The following CORO2B variants were observed in gnomAD, a reference collection of about 807,000 sequenced individuals.
CORO2B encodes the protein coronin 2B, also known as coronin-2B.
Under a neutral mutation model 58.8 loss-of-function variants are expected in CORO2B, and 26 were observed. The observed-to-expected ratio is 0.44, with a 90% CI of 0.32 to 0.61. CORO2B has a LOEUF of 0.61. Among genes scored for constraint, CORO2B ranks in the 20% least tolerant of loss-of-function variants. The probability of loss-of-function intolerance (pLI) is 0.04; values close to 1 mark genes in which losing one functional copy is unlikely to be tolerated. For synonymous variants in CORO2B, 242 were observed against 253.8 expected (o/e 0.95, Z 0.44); for missense variants, 460 against 645.1 (o/e 0.71, Z 3.11).
upstream of CORO2B, among the ~76,000 whole-genome samples, chr15:68,578,462 G>A (rs1899329702): frequency 6.6e-6 from 1 of 152,218 alleles, no homozygotes. This position sits in a 1 kb window ranked among gnomAD's most constrained non-coding sequence, Gnocchi z 4.2. Flanking sequence ...ATTCGAAAGA[G>A]TGCTTACACA....
At chr15:68,668,814 C>T (rs1272795452) in intron 2 of CORO2B, among the ~76,000 whole-genome samples, 1 of 152,190 alleles carries the variant, frequency 6.6e-6, no homozygotes, top group Non-Finnish European at 1.5e-5. Flanking sequence ...CATGGTGGCT[C>T]ACGCCTGTAA....
chr15:68,562,661 A>G, the CORO2B span, among the ~76,000 whole-genome samples: 2 of 152,226 alleles, frequency 1.3e-5, no homozygotes, highest in Non-Finnish European at 2.9e-5. Context: ...AGAAATGAGA[A>G]AATTATAAAA....
In CORO2B at chr15:68,711,687, G is replaced by T; in HGVS notation, c.629G>T (p.Arg210Leu). 2.5e-6 allele frequency: 4 copies of T among 1,614,010 alleles called. No homozygotes were observed. The highest frequency in any genetic ancestry group is 3.4e-6 in the Non-Finnish European group (4 of 1,179,942). The change falls in exon 5 of 12, where the codon CGC becomes CTC. Residue 210 changes from arginine to leucine, a missense_variant. Arg to Leu is a moderately radical substitution (Grantham distance 102). Transcript: ENST00000261861. ...KDKKLRVIEPRSGRVLQEANC... is the reference protein window; with the variant it reads ...KDKKLRVIEPLSGRVLQEANC... ...AAGAAGCTGCGTGTGATTGAGCCCCGCTCTGGCCGTGTTCTGCAGGTGGAA... is the reference window on the plus strand; with the variant it reads ...AAGAAGCTGCGTGTGATTGAGCCCCTCTCTGGCCGTGTTCTGCAGGTGGAA...
At chr15:68,662,313 G>C (rs1320219630) in intron 2 of CORO2B, among the ~76,000 whole-genome samples, 2 of 152,142 alleles carry the variant, frequency 1.3e-5, no homozygotes, top group Non-Finnish European at 2.9e-5. Flanking sequence ...CTTTCTTATA[G>C]TAATCCTGCA....
intron 3 of CORO2B, among the ~76,000 whole-genome samples, chr15:68,708,434 C>T (rs1053238606): frequency 6.9e-6 from 1 of 144,840 alleles, no homozygotes; most frequent in African/African-American, 2.6e-5. Context: ...GATCTCGGCT[C>T]ACTGCAAGCT....
At chr15:68,540,132 A>T in the CORO2B span, among the ~76,000 whole-genome samples, 1 of 152,226 alleles carries the variant, frequency 6.6e-6, no homozygotes, top group South Asian at 2.1e-4. Flanking sequence ...ATTAAAATCC[A>T]TTTGTCAACC....
intron 2 of CORO2B, among the ~76,000 whole-genome samples, chr15:68,673,653 A>G (rs1238741582): frequency 6.6e-6 from 1 of 152,162 alleles, no homozygotes; most frequent in Non-Finnish European, 1.5e-5. Context: ...GCTGGCCAAC[A>G]TAGTGAAACC....
At chr15:68,616,992 C>T (rs1450774102) in intron 1 of CORO2B, among the ~76,000 whole-genome samples, 1 of 152,236 alleles carries the variant, frequency 6.6e-6, no homozygotes, top group East Asian at 1.9e-4. Flanking sequence ...CTTGCCTTGT[C>T]TCATTGAATT....
intron 2 of CORO2B, among the ~76,000 whole-genome samples, chr15:68,685,201 T>A (rs1255202373): frequency 6.6e-6 from 1 of 152,206 alleles, no homozygotes; most frequent in Admixed American, 6.5e-5. Context: ...GTATTAAATG[T>A]GCATGATAAT....
intron 2 of CORO2B, among the ~76,000 whole-genome samples, chr15:68,688,604 T>C (rs1892282446): frequency 6.6e-6 from 1 of 152,254 alleles, no homozygotes; most frequent in African/African-American, 2.4e-5. Context: ...GATTCTGTTT[T>C]ACTAAGCGTA....
At position 68,656,721 on chromosome 15, in the gene CORO2B, C is replaced by T. The variant is rs191921711; in HGVS notation, c.216+11361C>T. 2.8e-4 allele frequency among the ~76,000 whole-genome samples: 42 copies of T among 152,344 alleles called. No homozygotes were observed. The South Asian group carries it at 8.3e-3, about 30-fold the overall frequency. On this transcript the variant is annotated intron_variant, in intron 2 of 11. Transcript: ENST00000261861. ...GGGTGCAGGGTCTGCATCAGCTGGC[C>T]TGGCTTTCAACCCTGACTCTACCAT...
chr15:68,556,946 G>A, the CORO2B span, among the ~76,000 whole-genome samples: 2 of 152,170 alleles, frequency 1.3e-5, no homozygotes, highest in African/African-American at 4.8e-5. Context: ...CTTCTTTCCT[G>A]TCATAATCAG....
chr15:68,620,682 A>C (rs1018396362), intron 1 of CORO2B, among the ~76,000 whole-genome samples: 2 of 152,168 alleles, frequency 1.3e-5, no homozygotes, highest in Non-Finnish European at 2.9e-5. Context: ...TCTGAGTCTT[A>C]TCAAGCAGCT....
chr15:68,711,018 T>C (rs1202923010), intron 4 of CORO2B, 137 bp downstream of exon 4: 2 of 1,027,680 alleles, frequency 1.9e-6, no homozygotes, highest in Non-Finnish European at 2.7e-6. Flanking sequence ...CATTCATTCA[T>C]TCATTCGCTA....
Position 68,718,792 on chromosome 15 carries a change from C to T in CORO2B, c.1062C>T (p.Ser354=). The change falls in exon 9 of 12, where the codon TCC becomes TCT. Residue 354 remains serine, a synonymous_variant. Coordinates refer to ENST00000261861, the MANE Select transcript of CORO2B (RefSeq NM_006091.5). ...TCAAGGGCCTGATCGAGCCCATCTC[C>T]ATGATCGTGCCCCGGAGGGTAAGTG... ...VTLKGLIEPI[S]MIVPRRSDSY... The T allele has an allele frequency of 6.2e-7, 1 of 1,614,098 alleles. No homozygotes were observed. Among genetic ancestry groups the T allele is most frequent in the Non-Finnish European group, 8.5e-7 (1 of 1,179,934 alleles).
chr15:68,725,760 C>T (rs553566710), intron 11 of CORO2B, 83 bp from the exon 12 acceptor site: 4 of 1,564,828 alleles, frequency 2.6e-6, no homozygotes, highest in East Asian at 2.3e-5. Flanking sequence ...GGGCGGCAGG[C>T]AGCTGGAGAC....
rs182632126 is a variant in CORO2B, at chr15:68,585,818, G to A, written c.15+6541G>A. 3.3e-4 allele frequency among the ~76,000 whole-genome samples: 50 copies of A among 152,330 alleles called. No homozygotes were observed. The Middle Eastern group carries it at 0.01, about 31-fold the overall frequency. On this transcript the variant is annotated intron_variant, in intron 1 of 11. Transcript: ENST00000261861. ...AGTCATGTAAATGATTCGGGGAAGG[G>A]TGCTGGGGGAGGAGGGTGTCCTATA...
At chr15:68,663,057 GA>G (rs961925809) in intron 2 of CORO2B, among the ~76,000 whole-genome samples, 2 of 151,036 alleles carry the variant, frequency 1.3e-5, no homozygotes, top group African/African-American at 4.9e-5. Flanking sequence ...CCAATTTATT[GA>G]AAAAAAATCT....
chr15:68,679,999 T>A (rs1902724889), intron 2 of CORO2B, among the ~76,000 whole-genome samples: 1 of 152,100 alleles, frequency 6.6e-6, no homozygotes, highest in Non-Finnish European at 1.5e-5. Context: ...GGGACAGTGA[T>A]GGCCCAGGGC....
Sources: gnomAD v4.1 joint callset for allele counts (sites outside exome capture counted in the v4.1 genomes callset) on GRCh38, gnomAD v4.1.1 for gene constraint, Gnocchi (gnomAD v3.1) non-coding constraint, MANE v1.5 for transcripts, NCBI Gene and HGNC (gene_info 2026-07-23, HGNC 2026-07-21) for gene names.